The following UBR4 variants were observed in gnomAD, a reference collection of about 807,000 sequenced individuals.
UBR4 encodes the protein ubiquitin protein ligase E3 component n-recognin 4.
In UBR4, 124 loss-of-function variants were observed where a neutral mutation model predicts 575.6. The ratio of observed to expected loss-of-function variants is 0.22; its 90% confidence interval spans 0.19 to 0.25. UBR4 has a LOEUF of 0.25. Ranked by LOEUF, UBR4 falls within the 10% of genes least tolerant of loss-of-function variation. The probability of loss-of-function intolerance (pLI) is 1.00; values close to 1 mark genes in which losing one functional copy is unlikely to be tolerated. For synonymous variants in UBR4, 2,455 were observed against 2,473.7 expected, an observed-to-expected ratio of 0.99 and a Z score of 0.22; for missense variants, 4,818 against 6,478.8, an observed-to-expected ratio of 0.74 and a Z score of 8.80.
chr1:19,184,986 C>G, intron 15 of UBR4, 113 bp downstream of exon 15: 1 of 1,321,866 alleles, frequency 7.6e-7, no homozygotes, highest in Non-Finnish European at 1.1e-6. Context: ...GCAAAAATAT[C>G]TTTAAACATT....
intron 29 of UBR4, 58 bp from the exon 30 acceptor site, chr1:19,165,815 T>C (rs2088260793): frequency 7.2e-7 from 1 of 1,388,194 alleles, no homozygotes; most frequent in Non-Finnish European, 9.9e-7. Flanking sequence ...AATGTCCTCC[T>C]TATGGTGATT....
rs2092753949 is a variant in UBR4 at position 19,201,718 on chromosome 1, T to G, written c.274A>C (p.Ile92Leu). The change falls in exon 2 of 106, where the codon ATT (isoleucine) becomes CTT (leucine). Residue 92 changes from isoleucine (I) to leucine (L), a missense_variant and splice_region_variant. Physicochemically the swap from Ile to Leu is conservative, Grantham distance 5 (BLOSUM62 2). Around this residue, in one of 29 missense-constraint regions of UBR4, gnomAD observed 85 missense variants for 134.2 expected, o/e 0.63. Coordinates refer to ENST00000375254, the MANE Select transcript of UBR4 (RefSeq NM_020765.3). ...GGAAGGACAAGAGTGGAATACTTACTGAGACTGCAAACTGTTGTAATATAG... is the reference window on the plus strand; with the variant it reads ...GGAAGGACAAGAGTGGAATACTTACGGAGACTGCAAACTGTTGTAATATAG... ...THYITTVCSL[I>L]PRNQLQSVAA... 1.9e-6 allele frequency: 3 copies of G among 1,613,134 alleles called. No individual in the cohort carries two copies. The highest frequency in any genetic ancestry group is 2.5e-6 in the Non-Finnish European group (3 of 1,179,196).
At chr1:19,209,999 G>A in intron 1 of UBR4, 74 bp downstream of exon 1, 1 of 1,421,624 alleles carries the variant, frequency 7.0e-7, no homozygotes. Flanking sequence ...GGCCCGGAAA[G>A]CGGGTCCAGA....
intron 28 of UBR4, 80 bp from the exon 29 acceptor site, chr1:19,167,311 A>C: frequency 6.7e-7 from 1 of 1,500,632 alleles, no homozygotes; most frequent in Non-Finnish European, 9.2e-7. Flanking sequence ...TAATTCAATT[A>C]CTTGCCGGGG....
chr1:19,145,573 G>C (rs963894409), intron 53 of UBR4, among the ~76,000 whole-genome samples: 2 of 144,616 alleles, frequency 1.4e-5, no homozygotes, highest in East Asian at 2.3e-4. Flanking sequence ...ATTCAACCCC[G>C]ATGAAAAGAT....
intron 48 of UBR4, 31 bp downstream of exon 48, chr1:19,151,612 A>G (rs1459589080): frequency 6.2e-7 from 1 of 1,612,632 alleles, no homozygotes; most frequent in Non-Finnish European, 8.5e-7. Flanking sequence ...CACAATGAGG[A>G]CAGAGTCTGC....
chr1:19,090,726 C>G (rs2077422200), intron 97 of UBR4, among the ~76,000 whole-genome samples: 1 of 152,122 alleles, frequency 6.6e-6, no homozygotes, highest in African/African-American at 2.4e-5. Flanking sequence ...AAATGAATGG[C>G]CATAGCATAA....
chr1:19,158,674 G>T (rs371289919), intron 39 of UBR4, among the ~76,000 whole-genome samples: 112 of 151,944 alleles, frequency 7.4e-4, no homozygotes, highest in African/African-American at 2.5e-3. Flanking sequence ...TGTTGCCCAG[G>T]ATGGTCCCGA....
chr1:19,200,419 A>G (rs1460201233), intron 2 of UBR4, among the ~76,000 whole-genome samples: 1 of 152,088 alleles, frequency 6.6e-6, no homozygotes, highest in Non-Finnish European at 1.5e-5. Context: ...TAGTATTCCC[A>G]TGGATTCTAA....
At chr1:19,147,939 C>T in intron 51 of UBR4, 54 bp downstream of exon 51, 1 of 1,585,498 alleles carries the variant, frequency 6.3e-7, no homozygotes, top group Non-Finnish European at 8.6e-7. Flanking sequence ...GAAAAGCTAA[C>T]TTATTTGATT....
In UBR4 at chr1:19,110,589, G is replaced by C. The variant is rs2079739263; in HGVS notation, c.11893-125C>G. 7.5e-7 allele frequency: 1 copy of C among 1,337,036 alleles called. No homozygotes were observed. Among genetic ancestry groups the C allele is most frequent in the Non-Finnish European group, 1.1e-6 (1 of 941,064 alleles). 82.8% of individuals were successfully genotyped at this position (1,337,036 alleles called of 1,614,324 possible). Reference sequence around the variant, plus strand: ...AGACAAAGGACAGACGGAGACCCTTGTGCTCCAGGCTCTTCCCTGGGAAAA... The same window carrying C: ...AGACAAAGGACAGACGGAGACCCTTCTGCTCCAGGCTCTTCCCTGGGAAAA... On this transcript the variant is annotated intron_variant, in intron 79 of 105. Coordinates refer to ENST00000375254, the MANE Select transcript of UBR4 (RefSeq NM_020765.3). The surrounding 1 kb of genome is among the most constrained non-coding windows in gnomAD (Gnocchi z 4.5).
rs752754231 is a variant in UBR4, at chr1:19,100,366, T to G, written c.13221+10A>C. On this transcript the variant is annotated intron_variant, in intron 89 of 105. Coordinates refer to ENST00000375254, the MANE Select transcript of UBR4 (RefSeq NM_020765.3). This position sits in a 1 kb window ranked among gnomAD's most constrained non-coding sequence, Gnocchi z 4.2. Reference sequence around the variant, plus strand: ...CGTAAACGTGGGCAGCACTGTCCTATGGTCATTACCTCCATGCCACTGTCA... The same window carrying G: ...CGTAAACGTGGGCAGCACTGTCCTAGGGTCATTACCTCCATGCCACTGTCA... 6.2e-7 allele frequency: 1 copy of G among 1,613,988 alleles called. No homozygotes were observed. Among genetic ancestry groups the G allele is most frequent in the Non-Finnish European group, 8.5e-7 (1 of 1,180,016 alleles).
chr1:19,087,319 G>A (rs1017105239), intron 99 of UBR4, among the ~76,000 whole-genome samples: 5 of 152,246 alleles, frequency 3.3e-5, no homozygotes, highest in Non-Finnish European at 5.9e-5. Flanking sequence ...AGAGCCAGCA[G>A]GTCACTGGCT....
chr1:19,176,586 T>C lies in UBR4; in HGVS notation c.2773+6A>G, dbSNP rs1486417199. 6.2e-7 allele frequency: 1 copy of C among 1,613,116 alleles called. No homozygotes were observed. The highest frequency in any genetic ancestry group is 1.1e-5 in the South Asian group (1 of 91,042). On this transcript the variant is annotated splice_donor_region_variant and intron_variant, in intron 20 of 105. Coordinates refer to ENST00000375254, the MANE Select transcript of UBR4 (RefSeq NM_020765.3). ...TCAGTTTCTTATTAACAGTCTTCTT[T>C]CTGACCTGATGAGAAATGCTTAGAC...
At chr1:19,105,241 C>G (rs749748005) in intron 84 of UBR4, 52 bp from the exon 85 acceptor site, 1 of 1,579,610 alleles carries the variant, frequency 6.3e-7, no homozygotes, top group Non-Finnish European at 8.6e-7. Flanking sequence ...GCATTTCGAA[C>G]AGCTCCAAGG....
In UBR4 at chr1:19,117,554, G is replaced by GAGACCCCA; in HGVS notation, c.10630-141_10630-140insTGGGGTCT. On this transcript the variant is annotated intron_variant, in intron 72 of 105. Coordinates refer to ENST00000375254, the MANE Select transcript of UBR4 (RefSeq NM_020765.3). The surrounding 1 kb of genome is among the most constrained non-coding windows in gnomAD (Gnocchi z 4.0). Reference sequence around the variant, plus strand: ...TTAAAAAATATTTTGTAGAGATGGGGTCTCACCATCTTGCCCAGGCTGGTC... The same window carrying GAGACCCCA: ...TTAAAAAATATTTTGTAGAGATGGGGAGACCCCATCTCACCATCTTGCCCAGGCTGGTC... 2 of 1,060,856 alleles carry GAGACCCCA rather than the reference G, an allele frequency of 1.9e-6. No homozygotes were observed. Among genetic ancestry groups the GAGACCCCA allele is most frequent in the Non-Finnish European group, 2.7e-6 (2 of 751,154 alleles). The allele number at this position is 1,060,856 out of a possible 1,614,324, so 65.7% of individuals were successfully genotyped here. A position where few individuals can be genotyped will look rare whatever the true frequency, so the allele number is the denominator to read the frequency against.
chr1:19,099,350 C>A (rs2078386649), intron 90 of UBR4, among the ~76,000 whole-genome samples: 1 of 152,344 alleles, frequency 6.6e-6, no homozygotes, highest in Admixed American at 6.5e-5. Context: ...ACAACTTGCA[C>A]AGCCCAGCAA....
In UBR4 at chr1:19,106,836, C is replaced by T; in HGVS notation, c.12235+1G>A. On this transcript the variant is annotated splice_donor_variant, in intron 82 of 105. Transcript: ENST00000375254. LOFTEE classifies it high-confidence loss of function. Reference sequence around the variant, plus strand: ...CCGGCGTCTTGAAGAGAAAGATATACCTCTGATAGGAAGACACTTCTTCCA... The same window carrying T: ...CCGGCGTCTTGAAGAGAAAGATATATCTCTGATAGGAAGACACTTCTTCCA... The T allele has an allele frequency of 6.2e-7, 1 of 1,613,774 alleles. No individual in the cohort carries two copies. Among genetic ancestry groups the T allele is most frequent in the East Asian group, 2.2e-5 (1 of 44,866 alleles).
chr1:19,173,715 A>G, intron 22 of UBR4, 94 bp from the exon 23 acceptor site: 4 of 1,192,048 alleles, frequency 3.4e-6, no homozygotes, highest in Non-Finnish European at 4.8e-6. Context: ...CTTTTAAACC[A>G]GAACTGTATA....
Sources: gnomAD v4.1 joint callset for allele counts (sites outside exome capture counted in the v4.1 genomes callset) on GRCh38, gnomAD v4.1.1 for gene constraint, gnomAD v4.1.1 regional missense constraint, Gnocchi (gnomAD v3.1) non-coding constraint, MANE v1.5 for transcripts, NCBI Gene and HGNC (gene_info 2026-07-23, HGNC 2026-07-21) for gene names.